MCF2L2: variants seen among roughly 807,000 people sequenced by gnomAD.
MCF2L2 encodes the protein MCF.2 cell line derived transforming sequence-like 2, also known as probable guanine nucleotide exchange factor MCF2L2.
In MCF2L2, 102 loss-of-function variants were observed where a neutral mutation model predicts 150.2. The ratio of observed to expected loss-of-function variants is 0.68; its 90% CI spans 0.58 to 0.80. The LOEUF (loss-of-function observed/expected upper bound fraction) is 0.80, where lower values mean the gene tolerates loss of function less well. Ranked by LOEUF, MCF2L2 falls within the 30% of genes least tolerant of loss-of-function variation. The probability of loss-of-function intolerance (pLI) is 0.00; values close to 1 mark genes in which losing one functional copy is unlikely to be tolerated. For missense variants in MCF2L2, 1,256 were observed against 1,372.8 expected (o/e 0.91, Z 1.34); for synonymous variants, 465 against 491.3 (o/e 0.95, Z 0.71).
chr3:183,381,467 T>C (rs188046258), intron 2 of MCF2L2, among the ~76,000 whole-genome samples: 2 of 152,366 alleles, frequency 1.3e-5, no homozygotes, highest in East Asian at 3.9e-4. Context: ...CTGATAAGAA[T>C]CTTCTGTTTA....
At chr3:183,344,621 C>T (rs1325721488) in intron 3 of MCF2L2, among the ~76,000 whole-genome samples, 2 of 152,114 alleles carry the variant, frequency 1.3e-5, no homozygotes, top group East Asian at 3.9e-4. Flanking sequence ...AATTAAAAGA[C>T]ACAGACTGGC....
At chr3:183,272,745 AG>A in intron 15 of MCF2L2, 1 of 1,053,500 alleles carries the variant, frequency 9.5e-7, no homozygotes, top group South Asian at 4.5e-5. Context: ...AATTTTTATT[AG>A]TTGATTGATT....
At chr3:183,248,679 A>G (rs1193405033) in intron 15 of MCF2L2, among the ~76,000 whole-genome samples, 1 of 152,066 alleles carries the variant, frequency 6.6e-6, no homozygotes, top group East Asian at 1.9e-4. Context: ...TCTACTAAAA[A>G]TAAAAAAAAT....
intron 22 of MCF2L2, among the ~76,000 whole-genome samples, chr3:183,212,146 T>C (rs986389336): frequency 6.6e-6 from 1 of 152,116 alleles, no homozygotes; most frequent in African/African-American, 2.4e-5. Context: ...CACCAGAAGC[T>C]CAGACGAGGT....
chr3:183,308,182 T>C (rs1729192114), intron 10 of MCF2L2, among the ~76,000 whole-genome samples: 1 of 152,232 alleles, frequency 6.6e-6, no homozygotes, highest in Non-Finnish European at 1.5e-5. Flanking sequence ...GATTCTGGAC[T>C]GTCTGGCTCA....
intron 10 of MCF2L2, among the ~76,000 whole-genome samples, chr3:183,304,462 ATTT>A (rs36115279): frequency 0.28 from 32,190 of 113,164 alleles, 3,728 homozygotes; most frequent in Middle Eastern, 0.34. Context: ...CTGGGCAGTG[ATTT>A]TTTTTTTTTT....
At chr3:183,213,764 ACT>A (rs1362020808) in intron 22 of MCF2L2, among the ~76,000 whole-genome samples, 1 of 152,156 alleles carries the variant, frequency 6.6e-6, no homozygotes, top group Non-Finnish European at 1.5e-5. Flanking sequence ...GAGTGAGTTA[ACT>A]CTTCTTTCCA....
chr3:183,313,266 T>C (rs147847804), intron 7 of MCF2L2, among the ~76,000 whole-genome samples: 32 of 150,088 alleles, frequency 2.1e-4, no homozygotes, highest in African/African-American at 7.5e-4. Context: ...CATATCCATA[T>C]GTGAGGAAGA....
Position 183,339,341 on chromosome 3 carries a change from G to A in MCF2L2, c.367-422C>T, listed in dbSNP as rs373717441. Among the ~76,000 whole-genome samples the A allele has an allele frequency of 1.3e-4, 19 of 151,778 alleles. No individual in the cohort carries two copies. The East Asian group carries it at 1.9e-3, about 15-fold the overall frequency. On this transcript the variant is annotated intron_variant, in intron 4 of 29. Coordinates refer to ENST00000328913, the MANE Select transcript of MCF2L2 (RefSeq NM_015078.4). ...CATATTCTTAAAATATTTTGTAACCGGCCTTCTCACTTAATGTTATACCAT... is the reference window on the plus strand; with the variant it reads ...CATATTCTTAAAATATTTTGTAACCAGCCTTCTCACTTAATGTTATACCAT...
chr3:183,288,223 T>C (rs1399049209), intron 14 of MCF2L2, among the ~76,000 whole-genome samples: 1 of 152,248 alleles, frequency 6.6e-6, no homozygotes, highest in Non-Finnish European at 1.5e-5. Flanking sequence ...CAAGAGGTTA[T>C]GTTGCTTAAA....
At chr3:183,303,795 T>A (rs1345358318) in intron 10 of MCF2L2, among the ~76,000 whole-genome samples, 1 of 152,094 alleles carries the variant, frequency 6.6e-6, no homozygotes, top group Non-Finnish European at 1.5e-5. Flanking sequence ...TGTGTCTACA[T>A]CACTCCCAAG....
chr3:183,369,293 C>A (rs1443534560), intron 3 of MCF2L2, among the ~76,000 whole-genome samples: 1 of 152,146 alleles, frequency 6.6e-6, no homozygotes, highest in East Asian at 1.9e-4. Context: ...TCAAAAGACT[C>A]TACCACTGAT....
At chr3:183,396,559 G>T (rs971392227) in intron 1 of MCF2L2, among the ~76,000 whole-genome samples, 8 of 152,124 alleles carry the variant, frequency 5.3e-5, no homozygotes, top group Non-Finnish European at 8.8e-5. Context: ...AGTTCAAAGT[G>T]AAAATCTCAG....
chr3:183,355,289 G>T (rs2108558048), intron 3 of MCF2L2, among the ~76,000 whole-genome samples: 1 of 152,206 alleles, frequency 6.6e-6, no homozygotes, highest in East Asian at 1.9e-4. Context: ...GGATATGAAT[G>T]AATTCCTCTT....
intron 15 of MCF2L2, among the ~76,000 whole-genome samples, chr3:183,245,740 C>G (rs1302880211): frequency 6.6e-6 from 1 of 152,108 alleles, no homozygotes; most frequent in Non-Finnish European, 1.5e-5. Context: ...GGTAACAACA[C>G]AAAGCACTAT....
chr3:183,335,354 A>ATACATATAAATACATAAACATAGTC (rs1056857387), intron 5 of MCF2L2, among the ~76,000 whole-genome samples: 2 of 135,550 alleles, frequency 1.5e-5, no homozygotes, highest in Non-Finnish European at 3.0e-5. Context: ...TACAGAAGCA[A>ATACATATAAATACATAAACATAGTC]TACATATAAA....
chr3:183,297,498 G>T, intron 11 of MCF2L2: 1 of 255,642 alleles, frequency 3.9e-6, no homozygotes, highest in Non-Finnish European at 7.7e-6. Flanking sequence ...TGTCACCCAG[G>T]CTGGAGTACA....
At chr3:183,296,179 T>G (rs2108490990) in intron 12 of MCF2L2, 1 of 152,562 alleles carries the variant, frequency 6.6e-6, no homozygotes, top group East Asian at 1.9e-4. Flanking sequence ...AAACCAGAGG[T>G]GCAGACAAGG....
chr3:183,318,466 T>C (rs1467447289), intron 6 of MCF2L2, among the ~76,000 whole-genome samples: 2 of 152,210 alleles, frequency 1.3e-5, no homozygotes, highest in South Asian at 2.1e-4. Context: ...TATTTATCTA[T>C]AAAATAAAGT....
Sources: allele counts gnomAD v4.1 joint callset (sites outside exome capture counted in the v4.1 genomes callset), GRCh38; gene constraint gnomAD v4.1.1; transcripts MANE v1.5; gene names NCBI Gene and HGNC (gene_info 2026-07-23, HGNC 2026-07-21).